The following IMMP2L variants were observed in gnomAD, a reference collection of about 807,000 sequenced individuals.
IMMP2L encodes the protein mitochondrial inner membrane protease subunit 2.
A neutral mutation model predicts 19.3 loss-of-function variants in IMMP2L; 18 were observed. The ratio of observed to expected loss-of-function variants is 0.93; its 90% CI spans 0.64 to 1.38. IMMP2L has a LOEUF of 1.38. Ranked by LOEUF, IMMP2L falls within the 40% of genes most tolerant of loss-of-function variation. The pLI is 0.00. For missense variants in IMMP2L, 233 were observed against 218.2 expected, an observed-to-expected ratio of 1.07 and a Z score of -0.43; for synonymous variants, 76 against 73.0, an observed-to-expected ratio of 1.04 and a Z score of -0.21.
chr7:111,321,516 T>C (rs958883162), intron 3 of IMMP2L, among the ~76,000 whole-genome samples: 1 of 151,936 alleles, frequency 6.6e-6, no homozygotes, highest in South Asian at 2.1e-4. Context: ...CAACAATCTT[T>C]TTTTTTCTCT....
chr7:111,470,624 C>CA (rs551348545), intron 3 of IMMP2L, among the ~76,000 whole-genome samples: 3 of 144,892 alleles, frequency 2.1e-5, no homozygotes, highest in East Asian at 4.1e-4. Flanking sequence ...ATCCCAAGGA[C>CA]AAAAAAACCA....
intron 3 of IMMP2L, among the ~76,000 whole-genome samples, chr7:111,312,026 C>T (rs1424833057): frequency 6.6e-6 from 1 of 152,120 alleles, no homozygotes; most frequent in Non-Finnish European, 1.5e-5. Context: ...TTCACCAATG[C>T]ATTTCTCAAT....
At chr7:111,561,289 C>T (rs779060494) in intron 1 of IMMP2L, among the ~76,000 whole-genome samples, 1 of 152,146 alleles carries the variant, frequency 6.6e-6, no homozygotes, top group Non-Finnish European at 1.5e-5. Context: ...GAGAAAAAGG[C>T]CCAGCCTGGT....
chr7:110,668,791 T>C (rs1342868890), intron 5 of IMMP2L, among the ~76,000 whole-genome samples: 1 of 118,488 alleles, frequency 8.4e-6, no homozygotes, highest in Middle Eastern at 4.5e-3. Flanking sequence ...TTTTTTAATA[T>C]TGAGAATAAT....
intron 5 of IMMP2L, among the ~76,000 whole-genome samples, chr7:110,846,523 G>A (rs572061630): frequency 4.6e-4 from 69 of 151,600 alleles, no homozygotes; most frequent in Admixed American, 2.8e-3. Flanking sequence ...CTGCCACCAC[G>A]CCTGGCTAAT....
At chr7:111,162,060 T>C (rs1805325515) in intron 3 of IMMP2L, among the ~76,000 whole-genome samples, 1 of 152,124 alleles carries the variant, frequency 6.6e-6, no homozygotes, top group African/African-American at 2.4e-5. Flanking sequence ...CGGTCTGCTC[T>C]GGTTAACACA....
At chr7:111,220,065 T>C (rs916582743) in intron 3 of IMMP2L, among the ~76,000 whole-genome samples, 26 of 152,164 alleles carry the variant, frequency 1.7e-4, no homozygotes, top group Non-Finnish European at 3.2e-4. Context: ...ACTTATCTAC[T>C]AGGTTAGTGC....
At chr7:111,543,371 C>A (rs1334556034) in intron 1 of IMMP2L, among the ~76,000 whole-genome samples, 1 of 152,094 alleles carries the variant, frequency 6.6e-6, no homozygotes, top group Non-Finnish European at 1.5e-5. Flanking sequence ...CTGGTAGGGA[C>A]TGCTAGTATA....
intron 2 of IMMP2L, among the ~76,000 whole-genome samples, chr7:111,500,715 T>C (rs1844131416): frequency 6.6e-6 from 1 of 152,112 alleles, no homozygotes; most frequent in Non-Finnish European, 1.5e-5. Flanking sequence ...GCATACAGGG[T>C]CTGGAGTGGA....
chr7:111,089,961 T>G (rs1222746726), intron 3 of IMMP2L, among the ~76,000 whole-genome samples: 1 of 151,960 alleles, frequency 6.6e-6, no homozygotes, highest in Admixed American at 6.6e-5. Context: ...GTTTTGTTTT[T>G]TTTTTCCTAA....
chr7:111,320,070 TAC>T (rs1824520906), intron 3 of IMMP2L, among the ~76,000 whole-genome samples: 1 of 151,998 alleles, frequency 6.6e-6, no homozygotes, highest in Admixed American at 6.6e-5. Context: ...AAGATATATA[TAC>T]ACAGAAAGAG....
At chr7:111,066,247 C>T (rs1226405682) in intron 3 of IMMP2L, among the ~76,000 whole-genome samples, 1 of 152,026 alleles carries the variant, frequency 6.6e-6, no homozygotes, top group East Asian at 1.9e-4. Context: ...TCCCAAAGTG[C>T]TGGGATTACA....
intron 5 of IMMP2L, among the ~76,000 whole-genome samples, chr7:110,687,240 G>C (rs540876087): frequency 6.6e-6 from 1 of 152,026 alleles, no homozygotes; most frequent in Admixed American, 6.6e-5. Context: ...TCAACATCCA[G>C]GAACATTGTC....
At chr7:111,106,565 A>C (rs1190039837) in intron 3 of IMMP2L, among the ~76,000 whole-genome samples, 1 of 151,408 alleles carries the variant, frequency 6.6e-6, no homozygotes, top group Non-Finnish European at 1.5e-5. Flanking sequence ...GCTTGAGTGA[A>C]AGGCTTGCTA....
intron 3 of IMMP2L, among the ~76,000 whole-genome samples, chr7:111,073,824 G>C (rs2129575632): frequency 6.6e-6 from 1 of 152,264 alleles, no homozygotes; most frequent in East Asian, 1.9e-4. Context: ...ATTTCTAATG[G>C]TCTGTACACT....
At chr7:110,927,667 G>T (rs1433569257) in intron 4 of IMMP2L, among the ~76,000 whole-genome samples, 1 of 151,948 alleles carries the variant, frequency 6.6e-6, no homozygotes, top group East Asian at 1.9e-4. Flanking sequence ...AAGGAAACAG[G>T]TTCTCTCCTA....
intron 3 of IMMP2L, among the ~76,000 whole-genome samples, chr7:111,048,267 A>AAAAAAAG (rs1348130776): frequency 2.0e-5 from 3 of 147,890 alleles, no homozygotes; most frequent in African/African-American, 7.7e-5. Context: ...AAAAAAAAAG[A>AAAAAAAG]AAAAAAGAAA....
chr7:111,521,323 G>C lies in IMMP2L; in HGVS notation c.125C>G (p.Ala42Gly), dbSNP rs146336298. ...RVACVARVEGASMQPSLNPGG... is the reference protein window; with the variant it reads ...RVACVARVEGGSMQPSLNPGG... ...TTATATCATTTTCACCTGCATCGAT[G>C]CTCCTTCTACTCTTGCCACACAGGC... Residue 42 changes from alanine (A) to glycine (G), a missense_variant, in exon 2 of 6, where the codon GCA (alanine) becomes GGA (glycine). Transcript: ENST00000405709. The C allele has an allele frequency of 2.0e-5, 32 of 1,611,406 alleles. No individual in the cohort carries two copies. Among genetic ancestry groups the C allele is most frequent in the Non-Finnish European group, 7.6e-6 (9 of 1,178,704 alleles).
At chr7:111,048,217 C>T (rs1182150432) in intron 3 of IMMP2L, among the ~76,000 whole-genome samples, 2 of 106,702 alleles carry the variant, frequency 1.9e-5, no homozygotes, top group Admixed American at 3.1e-4. Context: ...TCCAGCTGGG[C>T]GACAGAGCGA....
Sources: gnomAD v4.1 joint callset for allele counts (sites outside exome capture counted in the v4.1 genomes callset) on GRCh38, gnomAD v4.1.1 for gene constraint, MANE v1.5 for transcripts, NCBI Gene and HGNC (gene_info 2026-07-23, HGNC 2026-07-21) for gene names.